The following PARP16 variants were observed in gnomAD, a reference collection of about 807,000 sequenced individuals.
PARP16 encodes poly(ADP-ribose) polymerase family member 16, also known as protein mono-ADP-ribosyltransferase PARP16.
Under a neutral mutation model 35.0 loss-of-function variants are expected in PARP16, and 31 were observed. The ratio of observed to expected loss-of-function variants is 0.88; its 90% CI spans 0.66 to 1.19. The LOEUF (loss-of-function observed/expected upper bound fraction) is 1.19, where lower values mean the gene tolerates loss of function less well. PARP16 is among the 50% of genes most tolerant of loss of function. The pLI is 0.00. For synonymous variants in PARP16, 162 were observed against 169.5 expected (o/e 0.96, Z 0.34); for missense variants, 424 against 411.2 (o/e 1.03, Z -0.27).
At chr15:65,260,800 G>T in intron 5 of PARP16, 85 bp downstream of exon 5, 2 of 1,262,912 alleles carry the variant, frequency 1.6e-6, no homozygotes, top group Non-Finnish European at 2.3e-6. Context: ...GAGGTCTAAG[G>T]CTGGGGGAGG....
chr15:65,259,384 C>T lies in PARP16; in HGVS notation c.*23G>A. The T allele has an allele frequency of 1.2e-6, 2 of 1,613,208 alleles. No individual in the cohort carries two copies. The highest frequency in any genetic ancestry group is 1.7e-6 in the Non-Finnish European group (2 of 1,179,274). Reference sequence around the variant, plus strand: ...ACCATAAGGCACATAGTTGAGGTAGCCCCCACACCAGGCCCAGAAAGATTA... The same window carrying T: ...ACCATAAGGCACATAGTTGAGGTAGTCCCCACACCAGGCCCAGAAAGATTA... On this transcript the variant is annotated 3_prime_UTR_variant, in exon 6 of 6. Transcript: ENST00000649807.
intron 3 of PARP16, among the ~76,000 whole-genome samples, chr15:65,247,908 C>T (rs2089253691): frequency 1.3e-5 from 2 of 151,258 alleles, no homozygotes; most frequent in Non-Finnish European, 2.9e-5. Context: ...GGGTTCATGC[C>T]ATTTTCCTGT....
intron 3 of PARP16, among the ~76,000 whole-genome samples, chr15:65,265,517 G>T (rs917178868): frequency 6.6e-6 from 1 of 152,152 alleles, no homozygotes; most frequent in Admixed American, 6.5e-5. Flanking sequence ...GTGGATAGAT[G>T]ACTGTTTTGA....
intron 1 of PARP16, among the ~76,000 whole-genome samples, chr15:65,272,133 G>A (rs954196434): frequency 7.2e-5 from 11 of 152,154 alleles, no homozygotes; most frequent in Non-Finnish European, 1.5e-4. Context: ...TCACTTTTGG[G>A]GGCAAAGACT....
downstream of PARP16, among the ~76,000 whole-genome samples, chr15:65,254,855 A>C (rs1181757202): frequency 6.6e-6 from 1 of 152,180 alleles, no homozygotes; most frequent in African/African-American, 2.4e-5. Flanking sequence ...CAGAAATGAC[A>C]CAGAACAACT....
intron 1 of PARP16, among the ~76,000 whole-genome samples, chr15:65,283,599 G>C (rs1264074479): frequency 6.6e-6 from 1 of 152,140 alleles, no homozygotes; most frequent in Non-Finnish European, 1.5e-5. Context: ...TGCTCTTGAA[G>C]TTCTGCCTTG....
downstream of PARP16, among the ~76,000 whole-genome samples, chr15:65,256,833 T>C (rs2089527505): frequency 6.6e-6 from 1 of 152,232 alleles, no homozygotes; most frequent in Non-Finnish European, 1.5e-5. Flanking sequence ...GGTCTTTGCA[T>C]GTGCTGTTCC....
At chr15:65,243,722 C>A (rs1186065148) in intron 3 of PARP16, among the ~76,000 whole-genome samples, 2 of 152,026 alleles carry the variant, frequency 1.3e-5, no homozygotes. Context: ...TGGAGGGTTT[C>A]ATTTTATTTT....
chr15:65,263,253 T>C lies in PARP16; in HGVS notation c.587A>G (p.His196Arg). ...DLSLALIYSPHGHGWQHSLLG... is the reference protein window; with the variant it reads ...DLSLALIYSPRGHGWQHSLLG... ...GAGGCTGTGCTGCCACCCATGGCCA[T>C]GGGGGCTGTATATGAGGGCCAGGCT... Residue 196 changes from histidine to arginine, a missense_variant, in exon 4 of 6, where the codon CAT becomes CGT. Physicochemically the swap from His to Arg is conservative, Grantham distance 29 (BLOSUM62 0). Coordinates refer to ENST00000649807, the MANE Select transcript of PARP16 (RefSeq NM_001316943.2). The C allele has an allele frequency of 1.2e-6, 2 of 1,613,966 alleles. No homozygotes were observed. The highest frequency in any genetic ancestry group is 1.7e-6 in the Non-Finnish European group (2 of 1,179,916).
Position 65,286,344 on chromosome 15 carries a change from G to A in PARP16, c.83C>T (p.Ala28Val). 2 of 1,600,688 alleles carry A rather than the reference G, an allele frequency of 1.2e-6. No homozygotes were observed. The highest frequency in any genetic ancestry group is 1.7e-6 in the Non-Finnish European group (2 of 1,175,058). ...GCGCTTGTAGCTCTGCAGGGCCGAG[G>A]CGAAGAGGCTGCACCGGAGGTCGGC... ...LAADLRCSLF[A>V]SALQSYKRDS... Residue 28 changes from alanine to valine, a missense_variant, in exon 1 of 6, where the codon GCC (alanine) becomes GTC (valine). By Grantham distance (64) the Ala-to-Val change is moderately conservative. Coordinates refer to ENST00000649807, the MANE Select transcript of PARP16 (RefSeq NM_001316943.2).
At chr15:65,233,855 T>A (rs2088815760), downstream of PARP16, among the ~76,000 whole-genome samples, 1 of 152,354 alleles carries the variant, frequency 6.6e-6, no homozygotes, top group South Asian at 2.1e-4. Context: ...TGCCTTTGAA[T>A]TCGTGACTTT....
At chr15:65,245,099 C>T (rs1054487414) in intron 3 of PARP16, among the ~76,000 whole-genome samples, 3 of 152,190 alleles carry the variant, frequency 2.0e-5, no homozygotes, top group African/African-American at 7.2e-5. Context: ...GGCTATAGAG[C>T]CTGTCCCAAA....
chr15:65,260,130 C>T (rs1029470142), intron 5 of PARP16, among the ~76,000 whole-genome samples: 70 of 152,028 alleles, frequency 4.6e-4, no homozygotes, highest in African/African-American at 1.6e-3. Flanking sequence ...GGACAGGGGT[C>T]GGGAGGAGAC....
downstream of PARP16, among the ~76,000 whole-genome samples, chr15:65,232,838 G>A (rs73468723): frequency 0.033 from 5,009 of 152,022 alleles, 170 homozygotes; most frequent in African/African-American, 0.087. Context: ...GGAGGATCGC[G>A]TGAGAACCAC....
chr15:65,236,358 C>T (rs1182188389), intron 3 of PARP16, among the ~76,000 whole-genome samples: 1 of 152,116 alleles, frequency 6.6e-6, no homozygotes, highest in African/African-American at 2.4e-5. Context: ...TTCCAGGGAG[C>T]CATGAGAATT....
chr15:65,285,587 T>C (rs1470183093), intron 1 of PARP16: 2 of 300,220 alleles, frequency 6.7e-6, no homozygotes, highest in Non-Finnish European at 1.3e-5. Context: ...CAAAGATACA[T>C]GGAGTTCAGT....
Position 65,260,896 on chromosome 15 carries a change from C to T in PARP16, c.822G>A (p.Lys274=). ...CTCTTGGACCTTACCTCTTGGGTGG[C>T]TTCTGTGAATACACCAGGAGGTACT... ...RVKYLLVYSQ[K]PPKRASSQLS... Residue 274 remains lysine (K), a synonymous_variant, in exon 5 of 6, where the codon AAG becomes AAA. Transcript: ENST00000649807. 6.2e-7 allele frequency: 1 copy of T among 1,613,906 alleles called. No individual in the cohort carries two copies. Among genetic ancestry groups the T allele is most frequent in the Non-Finnish European group, 8.5e-7 (1 of 1,179,872 alleles).
chr15:65,253,878 C>T (rs904104623), downstream of PARP16, among the ~76,000 whole-genome samples: 12 of 152,068 alleles, frequency 7.9e-5, no homozygotes, highest in African/African-American at 2.9e-4. Flanking sequence ...AGTGCAGTGG[C>T]ACGATCTCAG....
chr15:65,239,424 TAA>T (rs758350761), intron 3 of PARP16, among the ~76,000 whole-genome samples: 54 of 6,958 alleles, frequency 7.8e-3, no homozygotes, highest in South Asian at 0.042. Flanking sequence ...AGACTTTGCC[TAA>T]AAAAAAAAAA....
Sources: allele counts gnomAD v4.1 joint callset (sites outside exome capture counted in the v4.1 genomes callset), GRCh38; gene constraint gnomAD v4.1.1; transcripts MANE v1.5; gene names NCBI Gene and HGNC (gene_info 2026-07-23, HGNC 2026-07-21).